Variants in FIGNL2 observed in about 807,000 individuals in gnomAD.
FIGNL2 encodes fidgetin-like protein 2.
For missense variants in FIGNL2, 1,060 were observed against 950.2 expected (o/e 1.12, Z -1.52); for synonymous variants, 565 against 484.0 (o/e 1.17, Z -2.20).
chr12:51,831,637 A>G (rs1291483677), intron 1 of FIGNL2: 3 of 153,056 alleles, frequency 2.0e-5, no homozygotes, highest in Non-Finnish European at 4.4e-5. Context: ...CCTTGGCGGG[A>G]GAGGGGATAG....
chr12:51,840,390 C>A (rs1259038210), intron 1 of FIGNL2, among the ~76,000 whole-genome samples: 1 of 152,192 alleles, frequency 6.6e-6, no homozygotes, highest in Non-Finnish European at 1.5e-5. Context: ...GACCTGTTCT[C>A]AAAAATACTT....
At chr12:51,827,726 A>G (rs553800051) in intron 1 of FIGNL2, among the ~76,000 whole-genome samples, 36 of 152,316 alleles carry the variant, frequency 2.4e-4, no homozygotes, top group African/African-American at 8.7e-4. Context: ...ATGTTCTGTG[A>G]AAAGAGGTTC....
rs376328077 is a variant in FIGNL2, at chr12:51,822,024, C to T, written c.390G>A (p.Gly130=). 2.5e-6 allele frequency: 4 copies of T among 1,602,792 alleles called. No homozygotes were observed. The highest frequency in any genetic ancestry group is 8.5e-7 in the Non-Finnish European group (1 of 1,175,552). The stretch of plus-strand genomic sequence containing the variant: ...GGTTCCCGGCTAAAACTGGGGAGCC[C>T]CCCAGGGCCCCGGAACCGCCGCCAC... The part of the protein sequence containing the change: ...SGGGGGSGAL[G]GSPVLAGNLP... Residue 130 remains glycine (G), a synonymous_variant, in exon 2 of 2, where the codon GGG becomes GGA. Transcript: ENST00000618634.
chr12:51,832,163 CCCA>C (rs1939484882), intron 1 of FIGNL2, among the ~76,000 whole-genome samples: 1 of 152,018 alleles, frequency 6.6e-6, no homozygotes, highest in Non-Finnish European at 1.5e-5. Flanking sequence ...ATTACAAGTG[CCCA>C]CCACCACGCC....
At chr12:51,842,859 G>A (rs200368201) in intron 1 of FIGNL2, among the ~76,000 whole-genome samples, 3 of 152,222 alleles carry the variant, frequency 2.0e-5, no homozygotes, top group Non-Finnish European at 4.4e-5. Context: ...AGCATAGCCT[G>A]TCCTTTTGCC....
chr12:51,847,232 C>A (rs1000475273), intron 1 of FIGNL2: 1 of 985,418 alleles, frequency 1.0e-6, no homozygotes, highest in Non-Finnish European at 1.2e-6. Context: ...GGGTCTGGGA[C>A]TCCCTCTGCA....
At chr12:51,825,735 G>C (rs1273752387) in intron 1 of FIGNL2, 21 of 151,340 alleles carry the variant, frequency 1.4e-4, no homozygotes, top group African/African-American at 5.1e-4. Flanking sequence ...TCCTGCCTCA[G>C]CCTCCCGAGT....
rs1044187555 is a variant in FIGNL2, at chr12:51,844,741, A to G, written c.-12+3799T>C. ...CTGGAGACAAGTGGACCCTAAAAAA[A>G]AAGCTGGACAGCCTCTCTCCAAGCC... On this transcript the variant is annotated intron_variant, in intron 1 of 1. Coordinates refer to ENST00000618634, the MANE Select transcript of FIGNL2 (RefSeq NM_001384995.1). 1.2e-5 allele frequency: 12 copies of G among 985,372 alleles called. No homozygotes were observed. In the East Asian group the frequency reaches 1.2e-3, roughly 103 times the overall value. 61.0% of individuals were successfully genotyped at this position (985,372 alleles called of 1,614,324 possible).
rs1221204991 is a variant in FIGNL2 at position 51,819,161 on chromosome 12, C to A, written c.*1291G>T. ...CCTCTGCCAAGGCAGGGCCAGGGGA[C>A]ATGACCTTTCTGGAGACTTTCTGCT... On this transcript the variant is annotated 3_prime_UTR_variant, in exon 2 of 2. Coordinates refer to ENST00000618634, the MANE Select transcript of FIGNL2 (RefSeq NM_001384995.1). The A allele has an allele frequency of 6.6e-6, 1 of 152,300 alleles. No individual in the cohort carries two copies. Among genetic ancestry groups the A allele is most frequent in the Non-Finnish European group, 1.5e-5 (1 of 68,094 alleles). The allele number at this position is 152,300 out of a possible 1,614,324, so 9.4% of individuals were successfully genotyped here.
chr12:51,846,838 C>G (rs1939761307), intron 1 of FIGNL2, among the ~76,000 whole-genome samples: 1 of 152,336 alleles, frequency 6.6e-6, no homozygotes, highest in South Asian at 2.1e-4. Context: ...AGGGCTTCGC[C>G]CAGAAGATAT....
Position 51,821,387 on chromosome 12 carries a change from CCA to C in FIGNL2, c.1025_1026del (p.Leu342ArgfsTer4). The C allele has an allele frequency of 6.6e-7, 1 of 1,518,914 alleles. No individual in the cohort carries two copies. Among genetic ancestry groups the C allele is most frequent in the South Asian group, 1.2e-5 (1 of 81,686 alleles). The allele number at this position is 1,518,914 out of a possible 1,614,324, so 94.1% of individuals were successfully genotyped here. On this transcript the variant is annotated frameshift_variant, in exon 2 of 2. Coordinates refer to ENST00000618634, the MANE Select transcript of FIGNL2 (RefSeq NM_001384995.1). LOFTEE classifies it low-confidence loss of function (END_TRUNC). ...CGCTCCGGGAACTTTTCAAAGGGCT[CCA>C]GTTGCGGGCCGTAGACGGGGGAGCC... is the stretch of plus-strand genomic sequence containing the variant. ...VLGSPVYGPQLEPFEKFPERA... is the reference protein window; with the variant it reads ...VLGSPVYGPQXEPFEKFPERA...
In FIGNL2 at chr12:51,822,399, T is replaced by C. The variant is rs375036827; in HGVS notation, c.15A>G (p.Pro5=). 1.9e-5 allele frequency: 31 copies of C among 1,613,538 alleles called. No homozygotes were observed. The African/African-American group carries it at 3.9e-4, about 20-fold the overall frequency. ...ACTGGTTGAGGGGCTGGGCGTGTTC[T>C]GGTGTCCAGTGCATCTTCAACAGAG... MHWT[P]EHAQPLNQWP... The change falls in exon 2 of 2, where the codon CCA becomes CCG. Residue 5 remains proline, a synonymous_variant. Coordinates refer to ENST00000618634, the MANE Select transcript of FIGNL2 (RefSeq NM_001384995.1).
intron 1 of FIGNL2, among the ~76,000 whole-genome samples, chr12:51,838,808 AC>A (rs1420593383): frequency 6.6e-6 from 1 of 152,022 alleles, no homozygotes; most frequent in Non-Finnish European, 1.5e-5. Context: ...GAAGGACCCA[AC>A]TCATTTGACA....
chr12:51,838,288 G>T (rs1446979132), intron 1 of FIGNL2, among the ~76,000 whole-genome samples: 1 of 152,200 alleles, frequency 6.6e-6, no homozygotes, highest in Non-Finnish European at 1.5e-5. Flanking sequence ...GTCTCATTCA[G>T]TCCCCTCAGC....
intron 1 of FIGNL2, chr12:51,847,999 G>A: frequency 1.5e-6 from 1 of 653,008 alleles, no homozygotes; most frequent in Non-Finnish European, 1.9e-6. Context: ...GGGGCGCGGG[G>A]ACCCTAAGTA....
At chr12:51,839,809 G>A (rs1939631693) in intron 1 of FIGNL2, among the ~76,000 whole-genome samples, 1 of 152,130 alleles carries the variant, frequency 6.6e-6, no homozygotes, top group South Asian at 2.1e-4. Context: ...CCCTGTCTGT[G>A]AGCCCTGGTA....
intron 1 of FIGNL2, chr12:51,825,662 G>A (rs1939326328): frequency 6.7e-6 from 1 of 149,212 alleles, no homozygotes; most frequent in African/African-American, 2.5e-5. Flanking sequence ...TGTCGCCCAG[G>A]CTGGAGTGCA....
intron 1 of FIGNL2, among the ~76,000 whole-genome samples, chr12:51,824,804 G>T (rs1939301053): frequency 1.3e-5 from 2 of 152,208 alleles, no homozygotes. Context: ...AACACTTTAG[G>T]AGGCCGAGGC....
At chr12:51,842,354 C>G (rs893419062) in intron 1 of FIGNL2, among the ~76,000 whole-genome samples, 1 of 152,184 alleles carries the variant, frequency 6.6e-6, no homozygotes, top group African/African-American at 2.4e-5. Context: ...CTCCAGAGAG[C>G]AAGGAGGAAG....
Sources: allele counts gnomAD v4.1 joint callset (sites outside exome capture counted in the v4.1 genomes callset), GRCh38; gene constraint gnomAD v4.1.1; transcripts MANE v1.5; gene names NCBI Gene and HGNC (gene_info 2026-07-23, HGNC 2026-07-21).